The following LSAMP variants were observed in gnomAD, a reference collection of about 807,000 sequenced individuals.
LSAMP encodes the protein limbic system associated membrane protein.
In LSAMP, 7 loss-of-function variants were observed where a neutral mutation model predicts 38.6. That is an observed-to-expected ratio of 0.18 (90% confidence interval 0.10 to 0.34). The LOEUF is 0.34. Among genes scored for constraint, LSAMP ranks in the 10% least tolerant of loss-of-function variants. The pLI is 1.00. For missense variants in LSAMP, 313 were observed against 420.0 expected, an observed-to-expected ratio of 0.75 and a Z score of 2.23; for synonymous variants, 154 against 166.8, an observed-to-expected ratio of 0.92 and a Z score of 0.59.
Position 116,380,570 on chromosome 3 carries a change from A to C in LSAMP, c.155+64307T>G, listed in dbSNP as rs2107800959. ...CTGAGGCAACCAATTTAACAGCCTC[A>C]GTATATGTTTTTCCTCATTATTTCT... is the stretch of plus-strand genomic sequence containing the variant. On this transcript the variant is annotated intron_variant, in intron 1 of 6. Coordinates refer to ENST00000490035, the MANE Select transcript of LSAMP (RefSeq NM_002338.5). Among the ~76,000 whole-genome samples, 3 of 152,064 alleles carry C rather than the reference A, an allele frequency of 2.0e-5. 1 individual carries two copies. The South Asian group carries it at 6.2e-4, about 32-fold the overall frequency.
At chr3:116,107,803 G>A (rs577141352) in intron 1 of LSAMP, among the ~76,000 whole-genome samples, 2 of 152,298 alleles carry the variant, frequency 1.3e-5, no homozygotes, top group African/African-American at 4.8e-5. Context: ...GCACGTTTGA[G>A]CTGCAGAACA....
At chr3:115,834,606 G>T (rs1275580257) in intron 6 of LSAMP, 1 of 1,225,722 alleles carries the variant, frequency 8.2e-7, no homozygotes, top group Non-Finnish European at 1.0e-6. Context: ...TTCTAAAGGG[G>T]AAAAAATAGT....
intron 2 of LSAMP, among the ~76,000 whole-genome samples, chr3:116,034,414 C>T (rs145877171): frequency 6.6e-6 from 1 of 152,124 alleles, no homozygotes; most frequent in African/African-American, 2.4e-5. Flanking sequence ...CCCATCCTCC[C>T]TCTGCCTTTG....
intron 2 of LSAMP, among the ~76,000 whole-genome samples, chr3:116,021,338 G>A (rs1940632684): frequency 6.6e-6 from 1 of 152,066 alleles, no homozygotes; most frequent in African/African-American, 2.4e-5. Context: ...ATCAGACACA[G>A]AGAAAAATGA....
rs1468746182 is a variant in LSAMP, at chr3:116,427,396, A to G, written c.155+17481T>C. 2.6e-5 allele frequency among the ~76,000 whole-genome samples: 4 copies of G among 152,158 alleles called. No individual in the cohort carries two copies. In the East Asian group the frequency reaches 7.8e-4, roughly 30 times the overall value. ...CGGCCTCCCAAAGTGCTGGGATTAC[A>G]GGCGTGAGCCACCGCGCCCGGCCCA... On this transcript the variant is annotated intron_variant, in intron 1 of 6. Transcript: ENST00000490035.
At position 116,102,793 on chromosome 3, in the gene LSAMP, G is replaced by A. The variant is rs1000695058; in HGVS notation, c.156-16237C>T. 1.1e-3 allele frequency among the ~76,000 whole-genome samples: 149 copies of A among 130,868 alleles called. 1 individual carries two copies. Among genetic ancestry groups the A allele is most frequent in the African/African-American group, 6.5e-3 (145 of 22,400 alleles). 85.9% of individuals were successfully genotyped at this position (130,868 alleles called of 152,430 possible). On this transcript the variant is annotated intron_variant, in intron 1 of 6. Transcript: ENST00000490035. The stretch of plus-strand genomic sequence containing the variant: ...TATCTATCTATCTATCTATCTGTCT[G>A]TCTGTCTGTCTATCTTCTATGGGTT...
At chr3:116,130,939 C>G (rs1444072679) in intron 1 of LSAMP, among the ~76,000 whole-genome samples, 1 of 149,126 alleles carries the variant, frequency 6.7e-6, no homozygotes, top group Non-Finnish European at 1.5e-5. Flanking sequence ...TTTAGTCATT[C>G]AAAATTCATT....
intron 3 of LSAMP, among the ~76,000 whole-genome samples, chr3:115,930,410 A>G (rs1312831415): frequency 1.3e-5 from 2 of 152,256 alleles, no homozygotes. Context: ...AACAGTAACA[A>G]TATGACTATG....
At chr3:116,368,774 G>A (rs763393973) in intron 1 of LSAMP, among the ~76,000 whole-genome samples, 4 of 152,196 alleles carry the variant, frequency 2.6e-5, no homozygotes, top group African/African-American at 7.2e-5. Context: ...AATAAGATAT[G>A]TTATAATAGA....
chr3:115,917,720 T>C (rs986004463), intron 3 of LSAMP, among the ~76,000 whole-genome samples: 1 of 151,970 alleles, frequency 6.6e-6, no homozygotes, highest in Non-Finnish European at 1.5e-5. Flanking sequence ...AGTAGGGAGA[T>C]GGGTTAATTT....
At chr3:115,927,014 C>T (rs1446526406) in intron 3 of LSAMP, among the ~76,000 whole-genome samples, 2 of 152,148 alleles carry the variant, frequency 1.3e-5, no homozygotes, top group Admixed American at 6.6e-5. Flanking sequence ...ATAATAAATG[C>T]TTAAGAAACA....
intron 3 of LSAMP, among the ~76,000 whole-genome samples, chr3:115,886,618 T>TTTCACTTCTGATAA (rs1936460748): frequency 6.6e-6 from 1 of 152,002 alleles, no homozygotes; most frequent in Non-Finnish European, 1.5e-5. Context: ...TTATTGGTGC[T>TTTCACTTCTGATAA]TTCACTTCTG....
chr3:115,887,338 A>G (rs112636579), intron 3 of LSAMP, among the ~76,000 whole-genome samples: 10,590 of 151,926 alleles, frequency 0.07, 1,188 homozygotes, highest in African/African-American at 0.24. Context: ...ATGTAAGAAC[A>G]GCTGTAATTT....
At chr3:116,160,527 G>A (rs1427714584) in intron 1 of LSAMP, among the ~76,000 whole-genome samples, 2 of 150,912 alleles carry the variant, frequency 1.3e-5, no homozygotes, top group African/African-American at 2.4e-5. Context: ...GAAGAGGAAA[G>A]GAAAAGAAAA....
Position 115,982,068 on chromosome 3 carries a change from TTTTA to T in LSAMP, c.514+37443_514+37446del, listed in dbSNP as rs1251355941. On this transcript the variant is annotated intron_variant, in intron 3 of 6. Coordinates refer to ENST00000490035, the MANE Select transcript of LSAMP (RefSeq NM_002338.5). ...ATAATTTAACATAAATGCCTCCACA[TTTTA>T]TTTATCTTTGAAGGAAGGAGGAAGT... 6.6e-5 allele frequency among the ~76,000 whole-genome samples: 10 copies of T among 152,350 alleles called. 1 individual carries two copies. Among genetic ancestry groups the T allele is most frequent in the African/African-American group, 2.2e-4 (9 of 41,594 alleles).
chr3:116,205,359 T>G (rs2046052522), intron 1 of LSAMP, among the ~76,000 whole-genome samples: 5 of 101,500 alleles, frequency 4.9e-5, no homozygotes, highest in African/African-American at 2.0e-4. Context: ...CAGGGACAAT[T>G]TGACTTCCTC....
intron 1 of LSAMP, among the ~76,000 whole-genome samples, chr3:116,436,723 T>G (rs1302579709): frequency 6.6e-6 from 1 of 152,114 alleles, no homozygotes; most frequent in Non-Finnish European, 1.5e-5. Context: ...ACTTCTACAC[T>G]GCTGGTGGGA....
chr3:115,889,668 T>C (rs1409739939), intron 3 of LSAMP, among the ~76,000 whole-genome samples: 1 of 151,912 alleles, frequency 6.6e-6, no homozygotes, highest in African/African-American at 2.4e-5. Flanking sequence ...CCTTAGAGAT[T>C]AATAGTCTGT....
At chr3:116,267,206 C>G (rs2107665266) in intron 1 of LSAMP, among the ~76,000 whole-genome samples, 1 of 152,028 alleles carries the variant, frequency 6.6e-6, no homozygotes, top group Non-Finnish European at 1.5e-5. Context: ...AAGAGATGCT[C>G]ATTTAAGAGG....
Sources: gnomAD v4.1 joint callset for allele counts (sites outside exome capture counted in the v4.1 genomes callset) on GRCh38, gnomAD v4.1.1 for gene constraint, MANE v1.5 for transcripts, NCBI Gene and HGNC (gene_info 2026-07-23, HGNC 2026-07-21) for gene names.